TXNDC5: variants seen among roughly 807,000 people sequenced by gnomAD.
The protein encoded by TXNDC5 is thioredoxin domain containing 5.
TXNDC5 carries 44 observed loss-of-function variants against 52.6 expected under a neutral mutation model. The ratio of observed to expected loss-of-function variants is 0.84; its 90% confidence interval spans 0.66 to 1.08. The LOEUF is 1.08. Among genes scored for constraint, TXNDC5 ranks in the 50% least tolerant of loss-of-function variants. The pLI is 0.00. For synonymous variants in TXNDC5, 241 were observed against 234.4 expected (o/e 1.03, Z -0.26); for missense variants, 600 against 565.5 (o/e 1.06, Z -0.62).
chr6:7,904,864 T>G, intron 1 of TXNDC5, 141 bp from the exon 2 acceptor site: 1 of 878,980 alleles, frequency 1.1e-6, no homozygotes, highest in Non-Finnish European at 1.8e-6. Context: ...GGACCAGTAC[T>G]CCAGGACCTC....
At chr6:7,906,380 A>C (rs1267893946) in intron 1 of TXNDC5, among the ~76,000 whole-genome samples, 2 of 151,998 alleles carry the variant, frequency 1.3e-5, no homozygotes, top group African/African-American at 4.8e-5. Flanking sequence ...TACTAAAAAT[A>C]CAAAAATTAG....
intron 3 of TXNDC5, 88 bp downstream of exon 3, chr6:7,899,488 G>T (rs1760486291): frequency 1.2e-6 from 1 of 851,414 alleles, no homozygotes; most frequent in South Asian, 1.9e-5. Context: ...ACCTCAACTG[G>T]CCTCTGCCCC....
rs562245348 is a variant in TXNDC5, at chr6:7,884,004, G to A, written c.1176+355C>T. Among the ~76,000 whole-genome samples, 24 of 152,238 alleles carry A rather than the reference G, an allele frequency of 1.6e-4. 1 individual carries two copies. In the South Asian group the frequency reaches 2.5e-3, roughly 16 times the overall value. On this transcript the variant is annotated intron_variant, in intron 9 of 9. Transcript: ENST00000379757. ...GCTGGCTTATGTGTGAAAAATGAGC[G>A]ACTCGGGTATTTATGGCAAAGGCTA...
At chr6:7,908,020 T>C (rs1760792257) in intron 1 of TXNDC5, among the ~76,000 whole-genome samples, 2 of 152,096 alleles carry the variant, frequency 1.3e-5, no homozygotes, top group South Asian at 4.1e-4. Context: ...TGCGGTGGCT[T>C]ACGCCTGTAA....
At chr6:7,893,015 CCTA>C (rs1432293824) in intron 4 of TXNDC5, among the ~76,000 whole-genome samples, 1 of 152,144 alleles carries the variant, frequency 6.6e-6, no homozygotes, top group Non-Finnish European at 1.5e-5. Flanking sequence ...TTCATTAAGC[CCTA>C]CATTTGTTTT....
intron 1 of TXNDC5, among the ~76,000 whole-genome samples, chr6:7,907,691 G>C (rs1760781912): frequency 6.6e-6 from 1 of 152,186 alleles, no homozygotes; most frequent in South Asian, 2.1e-4. Flanking sequence ...CAAACGCTCA[G>C]CTCACCACTC....
Position 7,884,498 on chromosome 6 carries a change from G to C in TXNDC5, c.1047-10C>G. The C allele has an allele frequency of 8.1e-6, 13 of 1,613,962 alleles. No individual in the cohort carries two copies. Among genetic ancestry groups the C allele is most frequent in the Non-Finnish European group, 1.1e-5 (13 of 1,179,894 alleles). ...CTTACAATGACCACACCTAAGACGA[G>C]AAAAATGGCAGCTTCGTTGAAATCC... is the stretch of plus-strand genomic sequence containing the variant. On this transcript the variant is annotated splice_polypyrimidine_tract_variant and intron_variant, in intron 8 of 9. Coordinates refer to ENST00000379757, the MANE Select transcript of TXNDC5 (RefSeq NM_030810.5).
chr6:7,906,546 A>AAC (rs1218536881), intron 1 of TXNDC5, among the ~76,000 whole-genome samples: 7 of 150,140 alleles, frequency 4.7e-5, no homozygotes, highest in Non-Finnish European at 8.9e-5. Context: ...AAAAAAAAAA[A>AAC]AAAAAAAAAA....
chr6:7,889,517 A>C lies in TXNDC5; in HGVS notation c.797T>G (p.Leu266Arg), dbSNP rs753725316. 6.2e-7 allele frequency: 1 copy of C among 1,613,688 alleles called. No homozygotes were observed. The highest frequency in any genetic ancestry group is 1.1e-5 in the South Asian group (1 of 91,070). ...GNQVRGYPTL[L>R]WFRDGKKVDQ... ...TACCTTTTTCCCATCTCGGAACCAG[A>C]GAAGAGTGGGATAGCCACGAACCTG... Residue 266 changes from leucine to arginine, a missense_variant, in exon 6 of 10, where the codon CTC (leucine) becomes CGC (arginine). Physicochemically the swap from Leu to Arg is moderately radical, Grantham distance 102. Coordinates refer to ENST00000379757, the MANE Select transcript of TXNDC5 (RefSeq NM_030810.5).
At chr6:7,893,988 G>A (rs1250693728) in intron 4 of TXNDC5, among the ~76,000 whole-genome samples, 1 of 152,200 alleles carries the variant, frequency 6.6e-6, no homozygotes, top group Non-Finnish European at 1.5e-5. Flanking sequence ...ATTCACACTG[G>A]AAATTTTATG....
chr6:7,890,030 G>A (rs908474523), intron 5 of TXNDC5, among the ~76,000 whole-genome samples: 2 of 152,126 alleles, frequency 1.3e-5, no homozygotes, highest in African/African-American at 4.8e-5. Flanking sequence ...AATCAACAGG[G>A]AGCAAGAAGT....
intron 1 of TXNDC5, 104 bp downstream of exon 1, chr6:7,910,410 T>G: frequency 2.6e-6 from 3 of 1,169,524 alleles, no homozygotes; most frequent in East Asian, 4.3e-5. Flanking sequence ...ACCAGAGCCG[T>G]CGGCGTCCAC....
chr6:7,882,358 TC>T lies in TXNDC5; in HGVS notation c.*785del, dbSNP rs2113306634. On this transcript the variant is annotated 3_prime_UTR_variant, in exon 10 of 10. Transcript: ENST00000379757. ...CGTGGAATTTTCCATGCCTACCCTT[TC>T]TAAGGAAGACATCCAACAGTTCATG... 6.6e-6 allele frequency: 1 copy of T among 152,310 alleles called. No homozygotes were observed. Among genetic ancestry groups the T allele is most frequent in the Non-Finnish European group, 1.5e-5 (1 of 68,032 alleles). The allele number at this position is 152,310 out of a possible 1,614,324, so 9.4% of individuals were successfully genotyped here.
chr6:7,901,593 C>G (rs1453646755), intron 2 of TXNDC5, among the ~76,000 whole-genome samples: 1 of 152,206 alleles, frequency 6.6e-6, no homozygotes, highest in Non-Finnish European at 1.5e-5. Context: ...ACAGAGCGGA[C>G]ACTTCTGGTC....
Position 7,881,958 on chromosome 6 carries a change from C to T in TXNDC5, c.*1186G>A, listed in dbSNP as rs955778909. The T allele has an allele frequency of 3.3e-5, 5 of 152,534 alleles. No homozygotes were observed. The highest frequency in any genetic ancestry group is 1.2e-4 in the African/African-American group (5 of 41,394). The allele number at this position is 152,534 out of a possible 1,614,324, so 9.4% of individuals were successfully genotyped here. On this transcript the variant is annotated 3_prime_UTR_variant, in exon 10 of 10. Transcript: ENST00000379757. ...AGCTTAAGCCTGTATGTGCTTATTC[C>T]CAAGGGAGATAGAGGTGTTTAATCA...
chr6:7,899,709 A>T, intron 2 of TXNDC5, 28 bp from the exon 3 acceptor site: 4 of 1,587,066 alleles, frequency 2.5e-6, no homozygotes, highest in Non-Finnish European at 3.4e-6. Context: ...GATTAGACAG[A>T]GCAAAAAGAA....
At chr6:7,884,515 T>C (rs942095165) in intron 8 of TXNDC5, 27 bp from the exon 9 acceptor site, 4 of 1,613,682 alleles carry the variant, frequency 2.5e-6, no homozygotes, top group African/African-American at 2.7e-5. Flanking sequence ...GGCAGCTTCG[T>C]TGAAATCCTG....
chr6:7,908,213 G>A (rs186508254), intron 1 of TXNDC5, among the ~76,000 whole-genome samples: 2 of 150,600 alleles, frequency 1.3e-5, no homozygotes, highest in East Asian at 3.9e-4. Context: ...AACCCAGGAG[G>A]TGGAGGTTGC....
At chr6:7,896,944 TC>T (rs748488408) in intron 3 of TXNDC5, among the ~76,000 whole-genome samples, 21 of 152,172 alleles carry the variant, frequency 1.4e-4, no homozygotes, top group Non-Finnish European at 2.8e-4. Flanking sequence ...ATAAAAATGA[TC>T]TTTTTTTTTA....
Sources: allele counts gnomAD v4.1 joint callset (sites outside exome capture counted in the v4.1 genomes callset), GRCh38; gene constraint gnomAD v4.1.1; transcripts MANE v1.5; gene names NCBI Gene and HGNC (gene_info 2026-07-23, HGNC 2026-07-21).